The following UBTD1 variants were observed in gnomAD, a reference collection of about 807,000 sequenced individuals.
The protein encoded by UBTD1 is ubiquitin domain containing 1.
In UBTD1, 19 loss-of-function variants were observed where a neutral mutation model predicts 21.7. The observed-to-expected ratio is 0.87, with a 90% CI of 0.61 to 1.28. The LOEUF (loss-of-function observed/expected upper bound fraction) is 1.28. Among genes scored for constraint, UBTD1 ranks in the 50% most tolerant of loss-of-function variants. The pLI is 0.00. For synonymous variants in UBTD1, 116 were observed against 135.1 expected (o/e 0.86, Z 0.98); for missense variants, 282 against 315.1 (o/e 0.89, Z 0.80).
chr10:97,502,608 G>C (rs891628153), intron 1 of UBTD1, among the ~76,000 whole-genome samples: 10 of 152,114 alleles, frequency 6.6e-5, no homozygotes, highest in Admixed American at 6.5e-4. Context: ...CATTAGAGCT[G>C]TTTTATCATC....
chr10:97,549,917 GC>G (rs1179403841), intron 1 of UBTD1, among the ~76,000 whole-genome samples: 2 of 152,308 alleles, frequency 1.3e-5, no homozygotes, highest in Non-Finnish European at 2.9e-5. Context: ...ACACCCCCTG[GC>G]TCCCCCCTCC....
intron 2 of UBTD1, among the ~76,000 whole-genome samples, chr10:97,569,014 G>A (rs926241453): frequency 2.0e-5 from 3 of 152,168 alleles, no homozygotes; most frequent in Non-Finnish European, 4.4e-5. Context: ...GTAGAGACAG[G>A]GTTTCTCCAT....
chr10:97,507,545 C>T (rs1255594200), intron 1 of UBTD1, among the ~76,000 whole-genome samples: 4 of 151,434 alleles, frequency 2.6e-5, no homozygotes, highest in East Asian at 3.9e-4. Context: ...GAGGCTGAGC[C>T]GGGCAGATCA....
chr10:97,552,570 A>G (rs1355318546), intron 1 of UBTD1, among the ~76,000 whole-genome samples: 1 of 151,378 alleles, frequency 6.6e-6, no homozygotes. Flanking sequence ...TAATTTTTGT[A>G]TCTTTGTATT....
chr10:97,524,616 C>T (rs1466344770), intron 1 of UBTD1, among the ~76,000 whole-genome samples: 2 of 152,122 alleles, frequency 1.3e-5, no homozygotes, highest in African/African-American at 2.4e-5. Flanking sequence ...TGCCCTGCTG[C>T]GTTGAAGGGG....
At chr10:97,555,977 G>A (rs1173655650) in intron 1 of UBTD1, among the ~76,000 whole-genome samples, 2 of 152,154 alleles carry the variant, frequency 1.3e-5, no homozygotes, top group African/African-American at 4.8e-5. Flanking sequence ...TTTTATTAGT[G>A]GGAGTTCTCA....
intron 1 of UBTD1, among the ~76,000 whole-genome samples, chr10:97,521,151 C>T (rs955382521): frequency 6.6e-6 from 1 of 152,214 alleles, no homozygotes. Context: ...GTTATTTAAT[C>T]TGTAGTGTTT....
At chr10:97,532,562 C>T (rs1016447418) in intron 1 of UBTD1, among the ~76,000 whole-genome samples, 15 of 152,094 alleles carry the variant, frequency 9.9e-5, no homozygotes, top group Non-Finnish European at 1.9e-4. Flanking sequence ...GAGGCCGAGG[C>T]GGGCGGATCA....
At chr10:97,552,769 T>C (rs1158651750) in intron 1 of UBTD1, among the ~76,000 whole-genome samples, 2 of 152,176 alleles carry the variant, frequency 1.3e-5, no homozygotes, top group Admixed American at 1.3e-4. Context: ...CTTTTTTCAC[T>C]GTATGGTGGA....
At chr10:97,499,401 G>A (rs1233352917) in intron 1 of UBTD1, 128 bp downstream of exon 1, 71 of 1,204,226 alleles carry the variant, frequency 5.9e-5, no homozygotes, top group Non-Finnish European at 7.3e-5. Context: ...GGGCTGCTCC[G>A]CAGCCAGAGG....
At chr10:97,566,840 T>C (rs1455042129) in intron 1 of UBTD1, among the ~76,000 whole-genome samples, 1 of 152,094 alleles carries the variant, frequency 6.6e-6, no homozygotes, top group Non-Finnish European at 1.5e-5. Context: ...GCCTTTAGTT[T>C]TGAGATGACT....
chr10:97,564,513 C>T (rs1386905002), intron 1 of UBTD1, among the ~76,000 whole-genome samples: 1 of 152,178 alleles, frequency 6.6e-6, no homozygotes, highest in Non-Finnish European at 1.5e-5. Flanking sequence ...AGGGCAGCCA[C>T]CTGTGAAATT....
At chr10:97,530,010 G>T (rs2040520890) in intron 1 of UBTD1, among the ~76,000 whole-genome samples, 5 of 152,146 alleles carry the variant, frequency 3.3e-5, no homozygotes, top group Admixed American at 2.6e-4. Context: ...CGCAGAGGGG[G>T]TGAGACCACA....
chr10:97,499,111 G>A lies in UBTD1; in HGVS notation c.-93G>A. On this transcript the variant is annotated 5_prime_UTR_variant, in exon 1 of 3. Transcript: ENST00000370664. ...GAGATCGGGGAGCGCCCGATGCCGG[G>A]CGGCCGGAGCCATTGACCCGGGACG... 7.3e-7 allele frequency: 1 copy of A among 1,377,418 alleles called. No individual in the cohort carries two copies. 85.3% of individuals were successfully genotyped at this position (1,377,418 alleles called of 1,614,324 possible). A position where few individuals can be genotyped will look rare whatever the true frequency, so the allele number is the denominator to read the frequency against.
At chr10:97,524,538 A>ACGAT (rs1433481995) in intron 1 of UBTD1, among the ~76,000 whole-genome samples, 1 of 152,220 alleles carries the variant, frequency 6.6e-6, no homozygotes, top group South Asian at 2.1e-4. Flanking sequence ...TTTGAGGACT[A>ACGAT]CGATGACTTA....
intron 1 of UBTD1, among the ~76,000 whole-genome samples, chr10:97,556,162 C>T (rs1435521086): frequency 6.6e-6 from 1 of 152,052 alleles, no homozygotes. Context: ...TATTATTACT[C>T]TTATTATAAG....
chr10:97,510,709 A>G (rs1040571491), intron 1 of UBTD1, among the ~76,000 whole-genome samples: 7 of 152,126 alleles, frequency 4.6e-5, no homozygotes, highest in Non-Finnish European at 1.5e-5. Flanking sequence ...TGACTTCTTC[A>G]GTGTGTCCTG....
intron 1 of UBTD1, among the ~76,000 whole-genome samples, chr10:97,524,587 G>C (rs754102592): frequency 5.3e-5 from 8 of 152,194 alleles, no homozygotes; most frequent in Admixed American, 5.2e-4. Context: ...GAAGGCAGGT[G>C]CATTTCTTTG....
chr10:97,531,176 T>C (rs963808053), intron 1 of UBTD1, among the ~76,000 whole-genome samples: 11 of 151,174 alleles, frequency 7.3e-5, no homozygotes, highest in East Asian at 1.9e-4. Context: ...CATGAGCCAC[T>C]GCGCCCAGCC....
Sources: gnomAD v4.1 joint callset for allele counts (sites outside exome capture counted in the v4.1 genomes callset) on GRCh38, gnomAD v4.1.1 for gene constraint, MANE v1.5 for transcripts, NCBI Gene and HGNC (gene_info 2026-07-23, HGNC 2026-07-21) for gene names.